The following CTIF variants were observed in gnomAD, a reference collection of about 807,000 sequenced individuals.
CTIF encodes CBP80/20-dependent translation initiation factor.
In CTIF, 21 loss-of-function variants were observed where a neutral mutation model predicts 66.0. The ratio of observed to expected loss-of-function variants is 0.32; its 90% CI spans 0.23 to 0.46. CTIF has a LOEUF of 0.46. Ranked by LOEUF, CTIF falls within the 20% of genes least tolerant of loss-of-function variation. The pLI, the probability that CTIF is intolerant of heterozygous loss-of-function variation, is 1.00. For missense variants in CTIF, 739 were observed against 812.7 expected, an observed-to-expected ratio of 0.91 and a Z score of 1.10; for synonymous variants, 345 against 326.4, an observed-to-expected ratio of 1.06 and a Z score of -0.62.
At chr18:48,780,943 C>G (rs1339585914) in intron 9 of CTIF, among the ~76,000 whole-genome samples, 1 of 152,174 alleles carries the variant, frequency 6.6e-6, no homozygotes, top group Non-Finnish European at 1.5e-5. Flanking sequence ...CCATCCCCTC[C>G]TAGCTGGCAT....
chr18:48,598,863 C>T (rs2090036149), intron 1 of CTIF, among the ~76,000 whole-genome samples: 1 of 152,186 alleles, frequency 6.6e-6, no homozygotes, highest in African/African-American at 2.4e-5. Flanking sequence ...TTAGTCTCCA[C>T]CTCCAACCCC....
rs74460708 is a variant in CTIF at position 48,588,119 on chromosome 18, T to C, written c.-28-31419T>C. Among the ~76,000 whole-genome samples the C allele has an allele frequency of 3.7e-3, 563 of 152,290 alleles. 16 individuals carry two copies. The East Asian group carries it at 0.065, about 18-fold the overall frequency. On this transcript the variant is annotated intron_variant, in intron 1 of 11. Coordinates refer to ENST00000256413, the MANE Select transcript of CTIF (RefSeq NM_014772.3). ...ACCCTTCGAGGACCTCTGTGCCTTG[T>C]GGGGAGCCGGGAATTACTGGGACCC...
chr18:48,591,215 C>T (rs2089880543), intron 1 of CTIF, among the ~76,000 whole-genome samples: 1 of 152,232 alleles, frequency 6.6e-6, no homozygotes, highest in African/African-American at 2.4e-5. Flanking sequence ...GATGGCCTCA[C>T]TCATTATAAT....
intron 1 of CTIF, among the ~76,000 whole-genome samples, chr18:48,575,433 C>T (rs1452698798): frequency 6.6e-6 from 1 of 152,230 alleles, no homozygotes; most frequent in Non-Finnish European, 1.5e-5. Flanking sequence ...ATTTTCCTTA[C>T]TGTGAACACT....
intron 7 of CTIF, chr18:48,756,087 G>A (rs1908333106): frequency 6.6e-6 from 1 of 152,200 alleles, no homozygotes; most frequent in African/African-American, 2.4e-5. Context: ...CTAGCCAGAG[G>A]ACCAGGGAAG....
At chr18:48,836,830 T>G (rs2068821784) in intron 10 of CTIF, among the ~76,000 whole-genome samples, 2 of 152,204 alleles carry the variant, frequency 1.3e-5, no homozygotes, top group Non-Finnish European at 2.9e-5. Context: ...CGCACATAGA[T>G]GCCATCTGTG....
At chr18:48,738,535 T>TC (rs199885562) in intron 7 of CTIF, among the ~76,000 whole-genome samples, 11,838 of 149,706 alleles carry the variant, frequency 0.079, 543 homozygotes, top group South Asian at 0.16. Context: ...CACTGGCTGT[T>TC]CCCCCTCCCC....
chr18:48,761,717 C>T lies in CTIF; in HGVS notation c.1371+28C>T, dbSNP rs561082908. ...AACTGGACGCCGGCCACCACCGCCC[C>T]GCGCCCCCTGCCCCTCTGCGTTCGG... On this transcript the variant is annotated intron_variant, in intron 9 of 11. Transcript: ENST00000256413. The surrounding 1 kb of genome is among the most constrained non-coding windows in gnomAD (Gnocchi z 4.2). The T allele has an allele frequency of 8.8e-6, 14 of 1,589,384 alleles. No homozygotes were observed. The highest frequency in any genetic ancestry group is 3.4e-5 in the Admixed American group (2 of 59,240).
chr18:48,610,713 A>G (rs28590332), intron 1 of CTIF, among the ~76,000 whole-genome samples: 65,666 of 152,088 alleles, frequency 0.43, 16,884 homozygotes, highest in African/African-American at 0.73. Flanking sequence ...TGCCCTGCCC[A>G]CCTCATGAAA....
At chr18:48,814,492 A>G (rs2068322029) in intron 9 of CTIF, among the ~76,000 whole-genome samples, 1 of 152,166 alleles carries the variant, frequency 6.6e-6, no homozygotes, top group Non-Finnish European at 1.5e-5. Context: ...AAGTTCTAGT[A>G]CTGTGTGGCC....
chr18:48,669,182 C>T (rs990790866), intron 5 of CTIF, among the ~76,000 whole-genome samples: 1 of 148,758 alleles, frequency 6.7e-6, no homozygotes, highest in African/African-American at 2.5e-5. Flanking sequence ...AGGGCAGGAA[C>T]CAAAACTGAT....
intron 1 of CTIF, among the ~76,000 whole-genome samples, chr18:48,579,952 T>G (rs561892453): frequency 6.6e-6 from 1 of 152,316 alleles, no homozygotes; most frequent in Admixed American, 6.5e-5. Flanking sequence ...GTTAGATAAT[T>G]AAATGAAGGA....
At chr18:48,658,705 A>G (rs1019810584) in intron 3 of CTIF, among the ~76,000 whole-genome samples, 7 of 152,058 alleles carry the variant, frequency 4.6e-5, no homozygotes, top group African/African-American at 1.7e-4. Flanking sequence ...TTGTGTATAT[A>G]TGTGTCTGTG....
intron 1 of CTIF, among the ~76,000 whole-genome samples, chr18:48,541,811 A>G (rs1163964060): frequency 2.0e-5 from 3 of 152,144 alleles, no homozygotes; most frequent in African/African-American, 7.2e-5. Flanking sequence ...ATGACCTTAC[A>G]GGGCAGGTTT....
intron 9 of CTIF, among the ~76,000 whole-genome samples, chr18:48,791,496 C>G (rs949550411): frequency 6.6e-6 from 1 of 152,210 alleles, no homozygotes; most frequent in African/African-American, 2.4e-5. Context: ...CTACCCCCAG[C>G]CCCCAAGCTG....
chr18:48,741,493 G>T (rs34267953), intron 7 of CTIF, among the ~76,000 whole-genome samples: 14,714 of 142,764 alleles, frequency 0.1, 847 homozygotes, highest in Non-Finnish European at 0.12. Flanking sequence ...TTGCAGTCTC[G>T]GCTCACTGCA....
chr18:48,804,180 G>A (rs1006066834), intron 9 of CTIF, among the ~76,000 whole-genome samples: 5 of 152,134 alleles, frequency 3.3e-5, no homozygotes, highest in Non-Finnish European at 7.4e-5. Flanking sequence ...ACCTAAAAAG[G>A]GACACACCCA....
At chr18:48,575,314 C>T (rs1321949808) in intron 1 of CTIF, among the ~76,000 whole-genome samples, 3 of 152,342 alleles carry the variant, frequency 2.0e-5, no homozygotes, top group Non-Finnish European at 2.9e-5. Context: ...TATGGCAACA[C>T]GGCCGAGTAA....
chr18:48,616,861 A>T (rs1354112897), intron 1 of CTIF, among the ~76,000 whole-genome samples: 1 of 152,196 alleles, frequency 6.6e-6, no homozygotes, highest in Non-Finnish European at 1.5e-5. Context: ...GAAGGAGAAA[A>T]TGCTTCCAGG....
Sources: gnomAD v4.1 joint callset for allele counts (sites outside exome capture counted in the v4.1 genomes callset) on GRCh38, gnomAD v4.1.1 for gene constraint, Gnocchi (gnomAD v3.1) non-coding constraint, MANE v1.5 for transcripts, NCBI Gene and HGNC (gene_info 2026-07-23, HGNC 2026-07-21) for gene names.